RARB: variants seen among roughly 807,000 people sequenced by gnomAD.
The protein encoded by RARB is HBV-activated protein.
RARB carries 17 observed loss-of-function variants against 51.9 expected under a neutral mutation model. The ratio of observed to expected loss-of-function variants is 0.33; its 90% CI spans 0.22 to 0.49. The LOEUF is 0.49. RARB is among the 20% of genes least tolerant of loss of function. The pLI is 0.99. For synonymous variants in RARB, 215 were observed against 195.4 expected (o/e 1.10, Z -0.84); for missense variants, 369 against 550.8 (o/e 0.67, Z 3.30).
At chr3:25,565,341 G>C (rs1559470236) in intron 3 of RARB, among the ~76,000 whole-genome samples, 2 of 152,192 alleles carry the variant, frequency 1.3e-5, no homozygotes, top group East Asian at 3.8e-4. Context: ...ACCATGAATA[G>C]AAGGCTTTAT....
intron 5 of RARB, among the ~76,000 whole-genome samples, chr3:25,182,993 C>T (rs1265888449): frequency 6.6e-6 from 1 of 152,058 alleles, no homozygotes; most frequent in African/African-American, 2.4e-5. Flanking sequence ...ACATTCCCCC[C>T]ACAGCTCTTA....
chr3:25,034,112 C>T (rs1349371300), intron 2 of RARB, among the ~76,000 whole-genome samples: 1 of 152,116 alleles, frequency 6.6e-6, no homozygotes, highest in East Asian at 1.9e-4. Flanking sequence ...GCTGTTTGGA[C>T]CAGTCTGGCC....
intron 2 of RARB, among the ~76,000 whole-genome samples, chr3:24,934,580 T>G (rs1358339656): frequency 6.6e-6 from 1 of 152,116 alleles, no homozygotes; most frequent in Non-Finnish European, 1.5e-5. Flanking sequence ...TTTGTAGTTT[T>G]ATGCATGAGA....
chr3:25,366,289 C>A (rs1178843671), intron 5 of RARB, among the ~76,000 whole-genome samples: 1 of 152,140 alleles, frequency 6.6e-6, no homozygotes, highest in East Asian at 1.9e-4. Flanking sequence ...AGATTTGAAC[C>A]TACAACTGAT....
intron 3 of RARB, among the ~76,000 whole-genome samples, chr3:25,086,165 T>G (rs1699100901): frequency 6.6e-6 from 1 of 152,162 alleles, no homozygotes; most frequent in South Asian, 2.1e-4. Context: ...TCATATCCAC[T>G]CATATTCTGG....
chr3:24,955,338 G>T (rs74468986), intron 2 of RARB, among the ~76,000 whole-genome samples: 1 of 151,618 alleles, frequency 6.6e-6, no homozygotes, highest in African/African-American at 2.4e-5. Flanking sequence ...CTCTTTGCCA[G>T]CTGAGGTCTG....
At chr3:25,363,281 C>T (rs1220358105) in intron 5 of RARB, among the ~76,000 whole-genome samples, 2 of 152,082 alleles carry the variant, frequency 1.3e-5, no homozygotes, top group African/African-American at 2.4e-5. Context: ...GATGGCTCTC[C>T]ATGATATCTA....
At chr3:25,445,386 C>T (rs1056624210) in intron 1 of RARB, among the ~76,000 whole-genome samples, 2 of 152,136 alleles carry the variant, frequency 1.3e-5, no homozygotes, top group African/African-American at 4.8e-5. Flanking sequence ...AAAGAGCAGT[C>T]CGGACGCATA....
intron 3 of RARB, among the ~76,000 whole-genome samples, chr3:25,564,633 A>T (rs1559469867): frequency 6.6e-6 from 1 of 152,232 alleles, no homozygotes; most frequent in East Asian, 1.9e-4. Flanking sequence ...CATTTGCAAA[A>T]CAGTTTTGAG....
intron 3 of RARB, among the ~76,000 whole-genome samples, chr3:25,112,426 T>C (rs1699618648): frequency 6.6e-6 from 1 of 152,162 alleles, no homozygotes; most frequent in Non-Finnish European, 1.5e-5. Context: ...TCTTACATTA[T>C]ATATGTTTTG....
At chr3:24,858,424 G>T (rs1702674043) in intron 1 of RARB, among the ~76,000 whole-genome samples, 2 of 152,140 alleles carry the variant, frequency 1.3e-5, no homozygotes, top group South Asian at 4.1e-4. Flanking sequence ...ATGAAGCACT[G>T]AACCAAGATG....
At chr3:24,945,620 T>G (rs1195794841) in intron 2 of RARB, among the ~76,000 whole-genome samples, 1 of 152,234 alleles carries the variant, frequency 6.6e-6, no homozygotes, top group Non-Finnish European at 1.5e-5. Flanking sequence ...ATGAACGTAT[T>G]TCCAGAATCT....
intron 5 of RARB, among the ~76,000 whole-genome samples, chr3:25,206,832 C>G (rs973361828): frequency 6.6e-6 from 1 of 152,160 alleles, no homozygotes; most frequent in African/African-American, 2.4e-5. Context: ...TCCATGTTCA[C>G]CACTTACACC....
At chr3:25,204,040 A>C (rs1701464538) in intron 5 of RARB, among the ~76,000 whole-genome samples, 1 of 152,070 alleles carries the variant, frequency 6.6e-6, no homozygotes, top group Admixed American at 6.5e-5. Flanking sequence ...ACTTGGTTCC[A>C]TTCTCCCCAT....
At chr3:25,123,009 T>C (rs1699808561) in intron 3 of RARB, among the ~76,000 whole-genome samples, 1 of 152,008 alleles carries the variant, frequency 6.6e-6, no homozygotes. Context: ...TCAGGAATGG[T>C]ATAACTTCAT....
chr3:25,249,685 T>C (rs1254991401), intron 5 of RARB, among the ~76,000 whole-genome samples: 1 of 150,444 alleles, frequency 6.6e-6, no homozygotes, highest in African/African-American at 2.4e-5. Flanking sequence ...TGTATGATTT[T>C]TTTTTTTTTT....
intron 3 of RARB, among the ~76,000 whole-genome samples, chr3:25,110,079 C>T (rs771298488): frequency 6.6e-6 from 1 of 152,186 alleles, no homozygotes; most frequent in Non-Finnish European, 1.5e-5. Context: ...CTGTTAAACT[C>T]TCCAGTGTGG....
intron 2 of RARB, among the ~76,000 whole-genome samples, chr3:24,970,199 T>A (rs568865290): frequency 1.3e-5 from 2 of 152,108 alleles, no homozygotes; most frequent in Non-Finnish European, 2.9e-5. Flanking sequence ...GGCCTATGGC[T>A]GTAGCTTACC....
At chr3:25,392,997 C>G (rs147962373) in intron 5 of RARB, among the ~76,000 whole-genome samples, 6 of 151,958 alleles carry the variant, frequency 3.9e-5, no homozygotes, top group African/African-American at 1.4e-4. Flanking sequence ...TCAGATTTTC[C>G]CCATACAGTA....
Sources: allele counts gnomAD v4.1 joint callset (sites outside exome capture counted in the v4.1 genomes callset), GRCh38; gene constraint gnomAD v4.1.1; transcripts MANE v1.5; gene names NCBI Gene and HGNC (gene_info 2026-07-23, HGNC 2026-07-21).